LARGE1: variants seen among roughly 807,000 people sequenced by gnomAD.
LARGE1 encodes LARGE xylosyl- and glucuronyltransferase 1.
Under a neutral mutation model 87.6 loss-of-function variants are expected in LARGE1, and 43 were observed. The observed-to-expected ratio is 0.49, with a 90% CI of 0.38 to 0.63. LARGE1 has a LOEUF of 0.63. Among genes scored for constraint, LARGE1 ranks in the 30% least tolerant of loss-of-function variants. The pLI, the probability that LARGE1 is intolerant of heterozygous loss-of-function variation, is 0.00. For synonymous variants in LARGE1, 434 were observed against 394.6 expected (o/e 1.10, Z -1.18); for missense variants, 802 against 1,000.2 (o/e 0.80, Z 2.67).
chr22:33,750,291 T>C (rs935759608), intron 2 of LARGE1, among the ~76,000 whole-genome samples: 10 of 152,232 alleles, frequency 6.6e-5, no homozygotes, highest in African/African-American at 2.4e-4. Context: ...CAGTAGCTAC[T>C]ATGATGAAAT....
intron 2 of LARGE1, among the ~76,000 whole-genome samples, chr22:33,711,204 T>C (rs944084408): frequency 6.6e-6 from 1 of 152,142 alleles, no homozygotes; most frequent in Non-Finnish European, 1.5e-5. Flanking sequence ...AAGGGAGCTA[T>C]GCAAGAGCAA....
intron 1 of LARGE1, among the ~76,000 whole-genome samples, chr22:33,841,004 T>C (rs1159000778): frequency 6.6e-6 from 1 of 152,212 alleles, no homozygotes; most frequent in Non-Finnish European, 1.5e-5. Flanking sequence ...CCATTCTGTT[T>C]TTCATTTTCA....
rs536643516 is a variant in LARGE1 at position 33,267,394 on chromosome 22, G to A, written c.1730+36835C>T. ...TCTGAACAATATTAGAACGTTGAAG[G>A]CAGATCTGTTGTCAAAGGACAGGAT... On this transcript the variant is annotated intron_variant, in intron 11 of 11. Coordinates refer to the LARGE1 transcript ENST00000608642. Among the ~76,000 whole-genome samples the A allele has an allele frequency of 5.3e-5, 8 of 151,762 alleles. No individual in the cohort carries two copies. The South Asian group carries it at 1.0e-3, about 20-fold the overall frequency.
At chr22:33,614,988 G>GC (rs2079542424) in intron 4 of LARGE1, among the ~76,000 whole-genome samples, 1 of 152,158 alleles carries the variant, frequency 6.6e-6, no homozygotes, top group Non-Finnish European at 1.5e-5. Flanking sequence ...CCCGCTAACT[G>GC]CGTCTGGCCT....
At chr22:33,276,224 A>AG (rs112196666) in intron 14 of LARGE1, among the ~76,000 whole-genome samples, 2,726 of 152,186 alleles carry the variant, frequency 0.018, 86 homozygotes, top group African/African-American at 0.063. Flanking sequence ...AGAAAAGAAA[A>AG]AAAAAAAAAG....
chr22:33,609,138 A>G (rs1246020761), intron 4 of LARGE1, among the ~76,000 whole-genome samples: 8 of 152,244 alleles, frequency 5.3e-5, no homozygotes, highest in Non-Finnish European at 1.2e-4. Flanking sequence ...CATATAAGTT[A>G]CAACAGGGAT....
intron 1 of LARGE1, among the ~76,000 whole-genome samples, chr22:33,904,315 T>C (rs1021076674): frequency 7.9e-5 from 12 of 152,048 alleles, no homozygotes; most frequent in Non-Finnish European, 1.6e-4. Context: ...GCCACCACGC[T>C]TGGCTAATTT....
At position 33,312,487 on chromosome 22, in the gene LARGE1, T is replaced by A. The variant is rs555574796; in HGVS notation, c.1451+3598A>T. ...TTAAGTGACTTGTCCAAAAACAAAG[T>A]GACAGGGCAACAAAGAACCCACAGT... On this transcript the variant is annotated intron_variant, in intron 11 of 14. Transcript: ENST00000397394. Among the ~76,000 whole-genome samples the A allele has an allele frequency of 2.0e-5, 3 of 146,738 alleles. No homozygotes were observed. The East Asian group carries it at 5.9e-4, about 29-fold the overall frequency.
At chr22:33,213,487 G>A (rs1232048644) in intron 11 of LARGE1, among the ~76,000 whole-genome samples, 1 of 152,176 alleles carries the variant, frequency 6.6e-6, no homozygotes, top group African/African-American at 2.4e-5. Context: ...AAAAGGATGA[G>A]TTGATCAATG....
At chr22:33,364,189 G>A (rs1260404638) in intron 9 of LARGE1, among the ~76,000 whole-genome samples, 2 of 152,072 alleles carry the variant, frequency 1.3e-5, no homozygotes, top group Non-Finnish European at 2.9e-5. Flanking sequence ...CGAGTAGCTG[G>A]GACTACAGGC....
chr22:33,415,036 C>T (rs1278957623), intron 7 of LARGE1, among the ~76,000 whole-genome samples: 3 of 151,974 alleles, frequency 2.0e-5, no homozygotes, highest in Non-Finnish European at 4.4e-5. Context: ...TTATTTTTTT[C>T]GATTCAAACA....
At chr22:33,535,226 C>T (rs780574090) in intron 6 of LARGE1, among the ~76,000 whole-genome samples, 1 of 152,162 alleles carries the variant, frequency 6.6e-6, no homozygotes, top group African/African-American at 2.4e-5. Context: ...TCCGGAGCCA[C>T]GCTGATGCTG....
chr22:33,282,640 G>A (rs1930676512), intron 13 of LARGE1, among the ~76,000 whole-genome samples: 1 of 152,164 alleles, frequency 6.6e-6, no homozygotes, highest in Non-Finnish European at 1.5e-5. Flanking sequence ...TTCTGTTTGC[G>A]ACTGTCACTT....
chr22:33,565,400 A>G (rs1924663664), intron 5 of LARGE1, among the ~76,000 whole-genome samples: 1 of 152,242 alleles, frequency 6.6e-6, no homozygotes. Context: ...TTTTGCAACC[A>G]GTATCAAATT....
chr22:33,849,662 G>A (rs1203122184), intron 1 of LARGE1, among the ~76,000 whole-genome samples: 4 of 133,136 alleles, frequency 3.0e-5, no homozygotes, highest in South Asian at 2.4e-4. Context: ...GCAGTGGTGC[G>A]ATCTTGGCTC....
intron 2 of LARGE1, among the ~76,000 whole-genome samples, chr22:33,749,452 T>C (rs959852461): frequency 2.6e-5 from 4 of 152,196 alleles, no homozygotes; most frequent in Non-Finnish European, 1.5e-5. Context: ...TGACCTGCAA[T>C]GATGTTGAGT....
chr22:33,471,729 G>GT (rs1273302709), intron 6 of LARGE1, among the ~76,000 whole-genome samples: 4 of 152,058 alleles, frequency 2.6e-5, no homozygotes, highest in Non-Finnish European at 5.9e-5. Context: ...CTGATCTTAT[G>GT]ATCAATAAAA....
intron 11 of LARGE1, among the ~76,000 whole-genome samples, chr22:33,261,695 G>C (rs957241341): frequency 3.9e-5 from 6 of 152,234 alleles, no homozygotes; most frequent in African/African-American, 1.2e-4. Context: ...CTTTCTGTTA[G>C]TGTGGGGAGG....
At chr22:33,211,152 C>T (rs530265405) in intron 11 of LARGE1, among the ~76,000 whole-genome samples, 18 of 152,152 alleles carry the variant, frequency 1.2e-4, no homozygotes, top group South Asian at 2.1e-4. Flanking sequence ...GTAATTGTTT[C>T]GGGGCTCCAT....
Sources: gnomAD v4.1 joint callset for allele counts (sites outside exome capture counted in the v4.1 genomes callset) on GRCh38, gnomAD v4.1.1 for gene constraint, MANE v1.5 for transcripts, NCBI Gene and HGNC (gene_info 2026-07-23, HGNC 2026-07-21) for gene names.